The following CCDC88C variants were observed in gnomAD, a reference collection of about 807,000 sequenced individuals.
CCDC88C encodes the protein protein Daple.
A neutral mutation model predicts 198.8 loss-of-function variants in CCDC88C; 131 were observed. The observed-to-expected ratio is 0.66, with a 90% CI of 0.57 to 0.76. The LOEUF (loss-of-function observed/expected upper bound fraction) is 0.76. CCDC88C is among the 30% of genes least tolerant of loss of function. The pLI, the probability that CCDC88C is intolerant of heterozygous loss-of-function variation, is 0.00. For synonymous variants in CCDC88C, 1,166 were observed against 1,114.7 expected (o/e 1.05, Z -0.92); for missense variants, 2,553 against 2,631.6 (o/e 0.97, Z 0.65).
chr14:91,285,609 T>C, intron 25 of CCDC88C: 1 of 1,243,856 alleles, frequency 8.0e-7, no homozygotes, highest in South Asian at 1.3e-5. Flanking sequence ...CTTTTTTTGT[T>C]TGTTTGAATT....
intron 6 of CCDC88C, 42 bp downstream of exon 6, chr14:91,342,338 C>CTGCT: frequency 7.9e-7 from 1 of 1,263,820 alleles, no homozygotes. Flanking sequence ...ACCACAGGAG[C>CTGCT]AGCAGTCCAC....
chr14:91,286,764 CCATGCAGTTAAGTG>C (rs1596023268), intron 25 of CCDC88C, among the ~76,000 whole-genome samples: 3 of 152,170 alleles, frequency 2.0e-5, no homozygotes, highest in Admixed American at 1.3e-4. Context: ...TGGAGGCAGT[CCATGCAGTTAAGTG>C]CATGCAGTTA....
At chr14:91,397,580 A>C (rs77450079) in intron 3 of CCDC88C, among the ~76,000 whole-genome samples, 23,085 of 152,206 alleles carry the variant, frequency 0.15, 2,031 homozygotes, top group Admixed American at 0.21. Flanking sequence ...CCTCTGCAAC[A>C]CCTGCAATTA....
At chr14:91,331,495 A>C (rs1478757624) in intron 10 of CCDC88C, among the ~76,000 whole-genome samples, 1 of 152,170 alleles carries the variant, frequency 6.6e-6, no homozygotes, top group Non-Finnish European at 1.5e-5. Flanking sequence ...CCTGGTCACC[A>C]TGGTGGGGTG....
chr14:91,297,185 C>T, intron 22 of CCDC88C, 120 bp downstream of exon 22: 1 of 1,039,406 alleles, frequency 9.6e-7, no homozygotes, highest in African/African-American at 1.6e-5. Flanking sequence ...GCCACCTCCA[C>T]ACATTTCTGT....
In CCDC88C at chr14:91,289,089, G is replaced by C. The variant is rs142713170; in HGVS notation, c.4441+16C>G. Reference sequence around the variant, plus strand: ...CCCCTTCCTCACCCGACCACGGCCAGGACGGCCGCCCCTACCTTTCCCCAC... The same window carrying C: ...CCCCTTCCTCACCCGACCACGGCCACGACGGCCGCCCCTACCTTTCCCCAC... On this transcript the variant is annotated intron_variant, in intron 25 of 29. Coordinates refer to ENST00000389857, the MANE Select transcript of CCDC88C (RefSeq NM_001080414.4). The C allele has an allele frequency of 4.4e-6, 7 of 1,605,080 alleles. No individual in the cohort carries two copies. The highest frequency in any genetic ancestry group is 5.9e-6 in the Non-Finnish European group (7 of 1,176,674).
At chr14:91,377,281 C>T (rs1257828334) in intron 3 of CCDC88C, among the ~76,000 whole-genome samples, 4 of 152,160 alleles carry the variant, frequency 2.6e-5, no homozygotes, top group Admixed American at 1.3e-4. Context: ...CATGAGCTTA[C>T]TCTTCCACCG....
At chr14:91,399,854 AAAG>A (rs769890260) in intron 3 of CCDC88C, among the ~76,000 whole-genome samples, 71 of 141,362 alleles carry the variant, frequency 5.0e-4, no homozygotes, top group African/African-American at 1.3e-3. Context: ...AAAAAAAAAA[AAAG>A]AAGAAGAAGA....
chr14:91,385,500 G>T (rs1205320629), intron 3 of CCDC88C, among the ~76,000 whole-genome samples: 1 of 152,192 alleles, frequency 6.6e-6, no homozygotes, highest in Non-Finnish European at 1.5e-5. Context: ...GCCCAGCCCT[G>T]GGAGGTGAGG....
At chr14:91,324,742 C>G (rs368075021) in intron 12 of CCDC88C, 37 bp downstream of exon 12, 1 of 1,603,286 alleles carries the variant, frequency 6.2e-7, no homozygotes, top group South Asian at 1.1e-5. Context: ...GCGGCGGCCA[C>G]GGCCAGGCTG....
chr14:91,416,207 CTG>C (rs1193695400), intron 2 of CCDC88C, among the ~76,000 whole-genome samples: 1 of 152,212 alleles, frequency 6.6e-6, no homozygotes, highest in Non-Finnish European at 1.5e-5. Flanking sequence ...CCTCCTAACA[CTG>C]TGACTTTAAA....
intron 3 of CCDC88C, among the ~76,000 whole-genome samples, chr14:91,390,554 G>C (rs1473398838): frequency 6.6e-6 from 1 of 152,212 alleles, no homozygotes; most frequent in African/African-American, 2.4e-5. Flanking sequence ...TCCAGCCTCT[G>C]GGTTTTCTAA....
chr14:91,293,547 CCTGTCCCCTCGCCTG>C lies in CCDC88C; in HGVS notation c.4112+611_4112+625del, dbSNP rs1567055841. On this transcript the variant is annotated intron_variant, in intron 23 of 29. Coordinates refer to ENST00000389857, the MANE Select transcript of CCDC88C (RefSeq NM_001080414.4). ...CCCCTCACCTGCCACGGCCCACCTT[CCTGTCCCCTCGCCTG>C]CCACGGCCCACCTTCCTGTCCCCTC... is the stretch of plus-strand genomic sequence containing the variant. Among the ~76,000 whole-genome samples the C allele has an allele frequency of 3.7e-4, 26 of 70,970 alleles. 2 individuals are homozygous for C. The highest frequency in any genetic ancestry group is 7.3e-4 in the Admixed American group (5 of 6,856). The allele number at this position is 70,970 out of a possible 152,430, so 46.6% of individuals were successfully genotyped here.
chr14:91,293,778 A>C (rs1890876203), intron 23 of CCDC88C, among the ~76,000 whole-genome samples: 1 of 151,988 alleles, frequency 6.6e-6, no homozygotes, highest in Non-Finnish European at 1.5e-5. Context: ...TGTGCACCTC[A>C]CAGGGCCCAA....
At chr14:91,312,664 G>A (rs1169998830) in intron 15 of CCDC88C, among the ~76,000 whole-genome samples, 3 of 152,210 alleles carry the variant, frequency 2.0e-5, no homozygotes, top group African/African-American at 4.8e-5. Context: ...CAGCCTGGAC[G>A]ACAGTGAGAC....
intron 3 of CCDC88C, among the ~76,000 whole-genome samples, chr14:91,387,649 A>C (rs1373275943): frequency 3.3e-5 from 5 of 152,202 alleles, no homozygotes; most frequent in Non-Finnish European, 4.4e-5. Flanking sequence ...GACCACAAGA[A>C]GTGCACGGGC....
chr14:91,290,618 T>C (rs142610090), intron 24 of CCDC88C, among the ~76,000 whole-genome samples: 2,287 of 152,338 alleles, frequency 0.015, 35 homozygotes, highest in Middle Eastern at 0.024. Context: ...GGGCCAAGTG[T>C]GCTGCCCAAG....
chr14:91,366,153 T>TACACACACACACACACAC (rs57281083), intron 3 of CCDC88C, among the ~76,000 whole-genome samples: 1 of 136,464 alleles, frequency 7.3e-6, no homozygotes, highest in Non-Finnish European at 1.6e-5. Flanking sequence ...ACTTAAAAAA[T>TACACACACACACACACAC]ACACACACAC....
chr14:91,283,831 A>T (rs1408205387), intron 25 of CCDC88C, among the ~76,000 whole-genome samples: 1 of 152,210 alleles, frequency 6.6e-6, no homozygotes, highest in Non-Finnish European at 1.5e-5. Context: ...GGTAAAAGTC[A>T]CACATATTCA....
Sources: allele counts gnomAD v4.1 joint callset (sites outside exome capture counted in the v4.1 genomes callset), GRCh38; gene constraint gnomAD v4.1.1; transcripts MANE v1.5; gene names NCBI Gene and HGNC (gene_info 2026-07-23, HGNC 2026-07-21).